Variants in MBOAT2 observed in about 807,000 individuals in gnomAD.
MBOAT2 encodes the protein membrane-bound glycerophospholipid O-acyltransferase 2.
A neutral mutation model predicts 63.4 loss-of-function variants in MBOAT2; 28 were observed. The observed-to-expected ratio is 0.44, with a 90% CI of 0.33 to 0.61. MBOAT2 has a LOEUF of 0.61. Among genes scored for constraint, MBOAT2 ranks in the 20% least tolerant of loss-of-function variants. MBOAT2 has a pLI of 0.03. For missense variants in MBOAT2, 470 were observed against 605.8 expected (o/e 0.78, Z 2.35); for synonymous variants, 211 against 215.6 (o/e 0.98, Z 0.19).
chr2:8,912,299 AAAAGAAAG>A (rs35633754), intron 3 of MBOAT2, among the ~76,000 whole-genome samples: 616 of 46,864 alleles, frequency 0.013, 16 homozygotes, highest in East Asian at 0.038. Context: ...GAAAAGAAAG[AAAAGAAAG>A]AAAGAAAGAA....
Position 8,862,443 on chromosome 2 carries a change from C to A in MBOAT2, c.1185+147G>T. On this transcript the variant is annotated intron_variant, in intron 11 of 12. Transcript: ENST00000305997. This position sits in a 1 kb window ranked among gnomAD's most constrained non-coding sequence, Gnocchi z 4.3. ...CCGTGGTGAGCGCTCAGCAAACATG[C>A]ACGCAGTACACACCTCGCTTCTAGT... is the stretch of plus-strand genomic sequence containing the variant. The A allele has an allele frequency of 7.7e-7, 1 of 1,290,860 alleles. No individual in the cohort carries two copies. Among genetic ancestry groups the A allele is most frequent in the Admixed American group, 2.3e-5 (1 of 43,716 alleles). The allele number at this position is 1,290,860 out of a possible 1,614,324, so 80.0% of individuals were successfully genotyped here.
At chr2:8,885,461 C>T (rs1014694181) in intron 5 of MBOAT2, among the ~76,000 whole-genome samples, 2 of 152,166 alleles carry the variant, frequency 1.3e-5, no homozygotes, top group East Asian at 1.9e-4. Flanking sequence ...AATCCAAAAT[C>T]GGAAACACTT....
rs537149576 is a variant in MBOAT2, at chr2:8,969,605, G to GTGCT, written c.76-10967_76-10964dup. 5.9e-3 allele frequency among the ~76,000 whole-genome samples: 900 copies of GTGCT among 152,282 alleles called. 5 individuals are homozygous for GTGCT. The highest frequency in any genetic ancestry group is 0.01 in the Middle Eastern group (3 of 294). ...TTGGACAGAGTCAAGACCCACCAGT[G>GTGCT]TGCTGTATTCAGGAGACCCATCTCA... On this transcript the variant is annotated intron_variant, in intron 1 of 12. Coordinates refer to ENST00000305997, the MANE Select transcript of MBOAT2 (RefSeq NM_138799.4).
chr2:8,856,195 T>G lies in MBOAT2; in HGVS notation c.*2484A>C, dbSNP rs555303904. The G allele has an allele frequency of 5.3e-5, 8 of 152,204 alleles. No individual in the cohort carries two copies. Among genetic ancestry groups the G allele is most frequent in the African/African-American group, 1.7e-4 (7 of 41,514 alleles). 9.4% of individuals were successfully genotyped at this position (152,204 alleles called of 1,614,324 possible). A position where few individuals can be genotyped will look rare whatever the true frequency, so the allele number is the denominator to read the frequency against. ...TGCTTTCTAGATGACAGTGCCAAGA[T>G]CATATTCACTGAGCAAGAAACAGGT... is the stretch of plus-strand genomic sequence containing the variant. On this transcript the variant is annotated 3_prime_UTR_variant, in exon 13 of 13. Coordinates refer to ENST00000305997, the MANE Select transcript of MBOAT2 (RefSeq NM_138799.4). The surrounding 1 kb of genome is among the most constrained non-coding windows in gnomAD (Gnocchi z 4.2).
rs563290389 is a variant in MBOAT2, at chr2:8,944,319, C to T, written c.222-1055G>A. On this transcript the variant is annotated intron_variant, in intron 2 of 12. Coordinates refer to ENST00000305997, the MANE Select transcript of MBOAT2 (RefSeq NM_138799.4). ...TAATTTATGCATGTCCGTGCATGCA[C>T]ACACACTCTCTCCACTTTCTTTCCC... 2.0e-5 allele frequency among the ~76,000 whole-genome samples: 3 copies of T among 152,238 alleles called. No homozygotes were observed. The East Asian group carries it at 5.8e-4, about 29-fold the overall frequency.
At chr2:8,894,282 G>A (rs1664254684) in intron 4 of MBOAT2, among the ~76,000 whole-genome samples, 1 of 152,148 alleles carries the variant, frequency 6.6e-6, no homozygotes, top group Non-Finnish European at 1.5e-5. Flanking sequence ...GTAGGGTGGG[G>A]AACAGACAAA....
At chr2:8,970,950 G>A (rs1426344825) in intron 1 of MBOAT2, among the ~76,000 whole-genome samples, 3 of 152,100 alleles carry the variant, frequency 2.0e-5, no homozygotes, top group African/African-American at 7.2e-5. Flanking sequence ...AGGAGGAACT[G>A]GTACCATTCC....
At chr2:8,919,959 TCTCA>T (rs1348885733) in intron 3 of MBOAT2, among the ~76,000 whole-genome samples, 1 of 152,204 alleles carries the variant, frequency 6.6e-6, no homozygotes, top group Admixed American at 6.5e-5. Context: ...AAAGATGGTG[TCTCA>T]CTATGTTGCC....
At chr2:8,868,330 G>C in intron 9 of MBOAT2, 116 bp downstream of exon 9, 1 of 788,478 alleles carries the variant, frequency 1.3e-6, no homozygotes, top group Non-Finnish European at 2.1e-6. Context: ...ATGAAAGAAT[G>C]AGTGTTAATA....
At chr2:8,865,762 C>G (rs1214512331) in intron 9 of MBOAT2, among the ~76,000 whole-genome samples, 1 of 152,198 alleles carries the variant, frequency 6.6e-6, no homozygotes, top group Non-Finnish European at 1.5e-5. Context: ...CAAGGATGGG[C>G]ACGGTGGCTC....
Position 8,853,666 on chromosome 2 carries a change from T to A in MBOAT2, c.*5013A>T, listed in dbSNP as rs183205714. On this transcript the variant is annotated 3_prime_UTR_variant, in exon 13 of 13. Coordinates refer to ENST00000305997, the MANE Select transcript of MBOAT2 (RefSeq NM_138799.4). ...AGTGTGTGATTTGATAAAACATGGC[T>A]GGAGATGGCTATGAATCGCTGAGTA... 3 of 152,352 alleles carry A rather than the reference T, an allele frequency of 2.0e-5. No homozygotes were observed. Among genetic ancestry groups the A allele is most frequent in the Non-Finnish European group, 1.5e-5 (1 of 68,026 alleles). 9.4% of individuals were successfully genotyped at this position (152,352 alleles called of 1,614,324 possible).
At position 9,003,553 on chromosome 2, in the gene MBOAT2, A is replaced by G; in HGVS notation, c.62T>C (p.Leu21Pro). 1 of 1,226,050 alleles carries G rather than the reference A, an allele frequency of 8.2e-7. No individual in the cohort carries two copies. Among genetic ancestry groups the G allele is most frequent in the South Asian group, 2.9e-5 (1 of 34,256 alleles). 75.9% of individuals were successfully genotyped at this position (1,226,050 alleles called of 1,614,324 possible). Residue 21 changes from leucine (L) to proline (P), a missense_variant, in exon 1 of 13, where the codon CTG becomes CCG. By Grantham distance (98) the Leu-to-Pro change is moderately conservative (BLOSUM62 -3). Coordinates refer to ENST00000305997, the MANE Select transcript of MBOAT2 (RefSeq NM_138799.4). The surrounding 1 kb of genome is among the most constrained non-coding windows in gnomAD (Gnocchi z 5.4). Reference protein sequence around the residue: ...LLQPLSNAVQLPIDQVNFVVC... With the variant: ...LLQPLSNAVQPPIDQVNFVVC... ...GCCTCGGGGTACCTGGTCGATGGGC[A>G]GCTGCACGGCGTTGCTGAGGGGCTG... is the stretch of plus-strand genomic sequence containing the variant.
chr2:8,929,462 C>T (rs908749056), intron 3 of MBOAT2, among the ~76,000 whole-genome samples: 34 of 152,332 alleles, frequency 2.2e-4, no homozygotes, highest in African/African-American at 8.2e-4. Flanking sequence ...AGCAATTCTC[C>T]GGCCTCAGCC....
At chr2:8,891,760 AG>A (rs945213454) in intron 4 of MBOAT2, among the ~76,000 whole-genome samples, 6 of 152,180 alleles carry the variant, frequency 3.9e-5, no homozygotes, top group African/African-American at 1.4e-4. Context: ...AAGGTAGGAG[AG>A]GCAGAAGGCT....
At chr2:8,970,851 A>G (rs907784907) in intron 1 of MBOAT2, among the ~76,000 whole-genome samples, 3 of 152,220 alleles carry the variant, frequency 2.0e-5, no homozygotes, top group Non-Finnish European at 2.9e-5. Flanking sequence ...ATAGACCAAT[A>G]ACAGGTTCTG....
chr2:8,941,569 C>T (rs1668052375), intron 3 of MBOAT2, among the ~76,000 whole-genome samples: 1 of 151,304 alleles, frequency 6.6e-6, no homozygotes, highest in Admixed American at 6.6e-5. Context: ...GAGGCTGAGG[C>T]AGGAGAATCG....
chr2:8,977,644 A>G (rs1044860641), intron 1 of MBOAT2, among the ~76,000 whole-genome samples: 10 of 152,096 alleles, frequency 6.6e-5, no homozygotes, highest in African/African-American at 2.4e-4. Flanking sequence ...TGTTGCTGAC[A>G]CCTTCCTCTG....
At chr2:8,907,892 T>C (rs1364324312) in intron 4 of MBOAT2, among the ~76,000 whole-genome samples, 7 of 152,300 alleles carry the variant, frequency 4.6e-5, no homozygotes, top group Non-Finnish European at 8.8e-5. Context: ...GAACAATTTT[T>C]TTTTCAGAGG....
intron 3 of MBOAT2, among the ~76,000 whole-genome samples, chr2:8,925,618 T>C (rs965270399): frequency 3.9e-5 from 6 of 152,208 alleles, no homozygotes; most frequent in Non-Finnish European, 7.3e-5. Flanking sequence ...GAGTCTGTTA[T>C]CAGTTCTGTT....
Sources: gnomAD v4.1 joint callset for allele counts (sites outside exome capture counted in the v4.1 genomes callset) on GRCh38, gnomAD v4.1.1 for gene constraint, Gnocchi (gnomAD v3.1) non-coding constraint, MANE v1.5 for transcripts, NCBI Gene and HGNC (gene_info 2026-07-23, HGNC 2026-07-21) for gene names.